COG5: variants seen among roughly 807,000 people sequenced by gnomAD.
COG5 encodes conserved oligomeric Golgi complex subunit 5.
COG5 carries 86 observed loss-of-function variants against 110.4 expected under a neutral mutation model. That is an observed-to-expected ratio of 0.78 (90% CI 0.65 to 0.93). COG5 has a LOEUF of 0.93. COG5 is among the 40% of genes least tolerant of loss of function. The pLI, the probability that COG5 is intolerant of heterozygous loss-of-function variation, is 0.00. For missense variants in COG5, 1,077 were observed against 987.0 expected (o/e 1.09, Z -1.22); for synonymous variants, 360 against 334.6 (o/e 1.08, Z -0.83).
intron 8 of COG5, among the ~76,000 whole-genome samples, chr7:107,369,239 G>A (rs1316686022): frequency 6.6e-6 from 1 of 152,152 alleles, no homozygotes; most frequent in African/African-American, 2.4e-5. Context: ...GTATGTATCT[G>A]TAACTTTTTC....
At chr7:107,299,070 T>G (rs1399997922) in intron 11 of COG5, among the ~76,000 whole-genome samples, 4 of 152,088 alleles carry the variant, frequency 2.6e-5, no homozygotes, top group African/African-American at 9.7e-5. Context: ...ATATTTACAT[T>G]TGAAAAGAAG....
intron 7 of COG5, among the ~76,000 whole-genome samples, chr7:107,393,906 T>C (rs1413871884): frequency 6.6e-6 from 1 of 152,108 alleles, no homozygotes; most frequent in Non-Finnish European, 1.5e-5. Flanking sequence ...CCTAACCTCA[T>C]AGATTATAAT....
At chr7:107,242,208 C>T (rs1298162051) in intron 17 of COG5, among the ~76,000 whole-genome samples, 1 of 152,168 alleles carries the variant, frequency 6.6e-6, no homozygotes, top group African/African-American at 2.4e-5. Flanking sequence ...CATCCAGGTA[C>T]TCAGGGACTA....
chr7:107,446,001 C>G (rs1179457071), intron 6 of COG5, among the ~76,000 whole-genome samples: 1 of 152,110 alleles, frequency 6.6e-6, no homozygotes, highest in Non-Finnish European at 1.5e-5. Flanking sequence ...GAGAATAGTG[C>G]CCCTTGCAAA....
At chr7:107,380,266 G>C (rs1193231284) in intron 7 of COG5, among the ~76,000 whole-genome samples, 1 of 151,968 alleles carries the variant, frequency 6.6e-6, no homozygotes, top group Non-Finnish European at 1.5e-5. Flanking sequence ...AGAGAAGCAA[G>C]AGCAAACAAA....
At chr7:107,422,574 A>C (rs1793371016) in intron 6 of COG5, among the ~76,000 whole-genome samples, 1 of 151,696 alleles carries the variant, frequency 6.6e-6, no homozygotes, top group Admixed American at 6.6e-5. Context: ...AAAATAAAAC[A>C]CTATTTGCAT....
chr7:107,460,975 ACTT>A (rs140828819), intron 6 of COG5, among the ~76,000 whole-genome samples: 48 of 152,206 alleles, frequency 3.2e-4, no homozygotes, highest in African/African-American at 9.6e-4. Flanking sequence ...ACAACATAAA[ACTT>A]CTTGGCTCAA....
intron 10 of COG5, among the ~76,000 whole-genome samples, chr7:107,351,868 G>A (rs547193834): frequency 6.7e-4 from 101 of 149,952 alleles, no homozygotes; most frequent in African/African-American, 2.4e-3. Flanking sequence ...TGGTGGGACT[G>A]TAAACTAGTT....
chr7:107,351,667 T>C (rs1051477369), intron 10 of COG5, among the ~76,000 whole-genome samples: 11 of 152,164 alleles, frequency 7.2e-5, no homozygotes, highest in African/African-American at 2.7e-4. Context: ...AACAGACACT[T>C]CTCAAAAGAA....
intron 10 of COG5, among the ~76,000 whole-genome samples, chr7:107,358,845 T>A (rs114293320): frequency 0.015 from 2,238 of 152,320 alleles, 54 homozygotes; most frequent in African/African-American, 0.052. Context: ...GGGTCAAGTC[T>A]AACTACAGTG....
chr7:107,208,707 A>G, intron 21 of COG5: 1 of 985,460 alleles, frequency 1.0e-6, no homozygotes, highest in Non-Finnish European at 1.2e-6. Flanking sequence ...ATAGCTGAGT[A>G]ACAGATAAGC....
intron 6 of COG5, among the ~76,000 whole-genome samples, chr7:107,467,850 T>C (rs547654725): frequency 1.5e-4 from 23 of 152,196 alleles, no homozygotes; most frequent in Non-Finnish European, 2.6e-4. Context: ...AAGTTTGTGA[T>C]ATCTTATTTA....
intron 7 of COG5, among the ~76,000 whole-genome samples, chr7:107,395,712 G>T (rs549889747): frequency 1.3e-5 from 2 of 151,786 alleles, no homozygotes; most frequent in African/African-American, 4.8e-5. Context: ...GTGCCACCAC[G>T]CCTGGCTAAT....
At chr7:107,327,727 T>A (rs1296419184) in intron 10 of COG5, among the ~76,000 whole-genome samples, 1 of 152,134 alleles carries the variant, frequency 6.6e-6, no homozygotes, top group Non-Finnish European at 1.5e-5. Context: ...ATCATGGAAA[T>A]GCAAATCAAA....
Position 107,372,688 on chromosome 7 carries a change from C to T in COG5, c.742G>A (p.Val248Ile), listed in dbSNP as rs1814287715. 6.2e-7 allele frequency: 1 copy of T among 1,613,470 alleles called. No individual in the cohort carries two copies. The highest frequency in any genetic ancestry group is 2.2e-5 in the East Asian group (1 of 44,800). ...AAAGTAGCACAATATCCATCCACAA[C>T]ACTGGTAATAGTATCCTTCAAAGTT... The part of the protein sequence containing the change: ...LGTLKDTITS[V>I]VDGYCATLEE... The change falls in exon 8 of 22, where the codon GTT becomes ATT. Residue 248 changes from valine to isoleucine, a missense_variant. By Grantham distance (29) the Val-to-Ile change is conservative. Transcript: ENST00000297135.
chr7:107,546,444 T>G (rs954037407), intron 5 of COG5, among the ~76,000 whole-genome samples: 6 of 147,392 alleles, frequency 4.1e-5, no homozygotes, highest in South Asian at 2.1e-4. Flanking sequence ...TGTTTTTTTT[T>G]TTTTTTTTTG....
chr7:107,559,351 A>C (rs1203050354), intron 1 of COG5, among the ~76,000 whole-genome samples: 2 of 152,252 alleles, frequency 1.3e-5, no homozygotes, highest in Non-Finnish European at 2.9e-5. Flanking sequence ...ACCATGTACC[A>C]AATCTCCTAA....
intron 21 of COG5, chr7:107,209,884 T>G (rs1430767205): frequency 2.0e-6 from 2 of 985,708 alleles, no homozygotes; most frequent in East Asian, 1.1e-4. Flanking sequence ...ATGGGAATGT[T>G]TGGTGGCTGA....
intron 12 of COG5, among the ~76,000 whole-genome samples, chr7:107,290,278 T>A (rs1329366171): frequency 6.6e-6 from 1 of 152,122 alleles, no homozygotes; most frequent in African/African-American, 2.4e-5. Flanking sequence ...CCCCTTTAAA[T>A]CTTGAAGTCC....
Sources: allele counts gnomAD v4.1 joint callset (sites outside exome capture counted in the v4.1 genomes callset), GRCh38; gene constraint gnomAD v4.1.1; transcripts MANE v1.5; gene names NCBI Gene and HGNC (gene_info 2026-07-23, HGNC 2026-07-21).